Variants in ROBO2 observed in about 807,000 individuals in gnomAD.
ROBO2 encodes the protein roundabout homolog 2.
A neutral mutation model predicts 160.8 loss-of-function variants in ROBO2; 53 were observed. The observed-to-expected ratio is 0.33, with a 90% confidence interval of 0.26 to 0.41. ROBO2 has a LOEUF of 0.41. Ranked by LOEUF, ROBO2 falls within the 10% of genes least tolerant of loss-of-function variation. The pLI, the probability that ROBO2 is intolerant of heterozygous loss-of-function variation, is 1.00. For synonymous variants in ROBO2, 664 were observed against 611.7 expected (o/e 1.09, Z -1.26); for missense variants, 1,577 against 1,722.4 (o/e 0.92, Z 1.49).
chr3:76,858,064 G>A (rs1190188335), intron 2 of ROBO2, among the ~76,000 whole-genome samples: 2 of 151,696 alleles, frequency 1.3e-5, no homozygotes, highest in East Asian at 3.9e-4. Flanking sequence ...CCCATTCCCT[G>A]GATCCCCATT....
intron 2 of ROBO2, among the ~76,000 whole-genome samples, chr3:76,718,215 T>G (rs180991550): frequency 1.3e-5 from 2 of 152,326 alleles, no homozygotes; most frequent in East Asian, 3.9e-4. Context: ...TCCATCTAAT[T>G]GTCACAGAAG....
intron 2 of ROBO2, among the ~76,000 whole-genome samples, chr3:77,473,967 A>G (rs1452043779): frequency 1.3e-5 from 2 of 152,218 alleles, no homozygotes; most frequent in South Asian, 2.1e-4. Context: ...CTCTTGAAGC[A>G]CAGGATGAAG....
At chr3:76,488,265 G>T (rs1402257670) in intron 2 of ROBO2, among the ~76,000 whole-genome samples, 5 of 152,118 alleles carry the variant, frequency 3.3e-5, no homozygotes, top group Admixed American at 6.5e-5. Flanking sequence ...GACCTCAAGG[G>T]GTTCTTTGGG....
chr3:76,177,304 G>T (rs1411352415), intron 2 of ROBO2, among the ~76,000 whole-genome samples: 1 of 152,040 alleles, frequency 6.6e-6, no homozygotes, highest in African/African-American at 2.4e-5. Context: ...TATTCATCTG[G>T]ATAAAAGAAG....
intron 2 of ROBO2, among the ~76,000 whole-genome samples, chr3:75,987,996 T>TA (rs2065460170): frequency 6.6e-6 from 1 of 151,754 alleles, no homozygotes; most frequent in Admixed American, 6.6e-5. Flanking sequence ...TCTTGTTTTT[T>TA]TGTTTTTTGC....
intron 2 of ROBO2, among the ~76,000 whole-genome samples, chr3:77,340,061 G>T (rs748085793): frequency 6.6e-6 from 1 of 152,126 alleles, no homozygotes; most frequent in South Asian, 2.1e-4. Flanking sequence ...CTGATATTCC[G>T]ATAAAGATTT....
chr3:76,427,330 A>G (rs1189535374), intron 2 of ROBO2, among the ~76,000 whole-genome samples: 2 of 152,036 alleles, frequency 1.3e-5, no homozygotes, highest in Non-Finnish European at 1.5e-5. Context: ...AAGGAGGAAA[A>G]TATCATGTTG....
At chr3:76,231,531 C>T (rs1405301536) in intron 2 of ROBO2, among the ~76,000 whole-genome samples, 3 of 152,166 alleles carry the variant, frequency 2.0e-5, no homozygotes, top group Non-Finnish European at 2.9e-5. Flanking sequence ...ATTGCCCATT[C>T]ATCTGTAGTT....
At chr3:76,569,440 A>C (rs1190256756) in intron 2 of ROBO2, among the ~76,000 whole-genome samples, 1 of 152,206 alleles carries the variant, frequency 6.6e-6, no homozygotes, top group African/African-American at 2.4e-5. Context: ...AGTTTGAGTC[A>C]GGCCAGGTTT....
chr3:77,003,619 G>A (rs1041190807), intron 2 of ROBO2, among the ~76,000 whole-genome samples: 2 of 152,106 alleles, frequency 1.3e-5, no homozygotes, highest in African/African-American at 4.8e-5. Context: ...GGAGGGCAAT[G>A]GTGCGATATC....
chr3:76,716,821 C>A (rs2093387386), intron 2 of ROBO2, among the ~76,000 whole-genome samples: 1 of 152,108 alleles, frequency 6.6e-6, no homozygotes, highest in South Asian at 2.1e-4. Flanking sequence ...ATGGGATGGC[C>A]AGTGGCAAGC....
chr3:76,112,833 T>G (rs1175492611), intron 2 of ROBO2, among the ~76,000 whole-genome samples: 2 of 152,120 alleles, frequency 1.3e-5, no homozygotes, highest in African/African-American at 4.8e-5. Flanking sequence ...GCAGTATTTA[T>G]ATGGTTCTAT....
chr3:77,074,464 AT>A (rs2149863483), intron 1 of ROBO2, among the ~76,000 whole-genome samples: 1 of 152,324 alleles, frequency 6.6e-6, no homozygotes, highest in East Asian at 1.9e-4. Flanking sequence ...TATCTATTAT[AT>A]TTTGAATGAA....
At chr3:77,635,096 C>A in intron 24 of ROBO2, 53 bp downstream of exon 25, 1 of 1,570,138 alleles carries the variant, frequency 6.4e-7, no homozygotes, top group Non-Finnish European at 8.7e-7. Flanking sequence ...GTGCTCCATG[C>A]AATCATTTAC....
At chr3:77,257,037 C>T (rs549666586) in intron 2 of ROBO2, among the ~76,000 whole-genome samples, 9 of 152,194 alleles carry the variant, frequency 5.9e-5, no homozygotes, top group East Asian at 3.9e-4. Context: ...AGGCCTGGAG[C>T]GAGGTTTCAT....
intron 2 of ROBO2, among the ~76,000 whole-genome samples, chr3:76,329,200 A>T (rs2073288138): frequency 6.6e-6 from 1 of 151,958 alleles, no homozygotes; most frequent in Admixed American, 6.6e-5. Context: ...TGCCGCAGTG[A>T]AGGAGCCCGG....
At chr3:76,328,501 C>A (rs2073201374) in intron 2 of ROBO2, among the ~76,000 whole-genome samples, 1 of 151,716 alleles carries the variant, frequency 6.6e-6, no homozygotes, top group Non-Finnish European at 1.5e-5. Flanking sequence ...CCGAGGCGGG[C>A]AGATGACAAG....
chr3:77,475,695 G>A (rs1051558027), intron 2 of ROBO2, among the ~76,000 whole-genome samples: 1 of 152,160 alleles, frequency 6.6e-6, no homozygotes, highest in Non-Finnish European at 1.5e-5. Flanking sequence ...TAAATAGGCA[G>A]CTGTTCTGTA....
intron 6 of ROBO2, 109 bp from the exon 8 acceptor site, chr3:77,546,229 A>T: frequency 1.8e-6 from 2 of 1,142,486 alleles, no homozygotes; most frequent in Non-Finnish European, 2.6e-6. Flanking sequence ...AAAAAACTGT[A>T]GTCTCTCTCT....
Sources: allele counts gnomAD v4.1 joint callset (sites outside exome capture counted in the v4.1 genomes callset), GRCh38; gene constraint gnomAD v4.1.1; transcripts MANE v1.5; gene names NCBI Gene and HGNC (gene_info 2026-07-23, HGNC 2026-07-21).